The following THSD7A variants were observed in gnomAD, a reference collection of about 807,000 sequenced individuals.
THSD7A encodes the protein thrombospondin type 1 domain containing 7A.
Under a neutral mutation model 231.3 loss-of-function variants are expected in THSD7A, and 96 were observed. The observed-to-expected ratio is 0.41, with a 90% CI of 0.35 to 0.49. The LOEUF is 0.49. Among genes scored for constraint, THSD7A ranks in the 20% least tolerant of loss-of-function variants. The pLI is 0.05. For missense variants in THSD7A, 2,290 were observed against 2,070.2 expected (o/e 1.11, Z -2.06); for synonymous variants, 940 against 743.3 (o/e 1.26, Z -4.30).
chr7:11,729,371 C>G (rs1000806349), intron 1 of THSD7A, among the ~76,000 whole-genome samples: 5 of 151,688 alleles, frequency 3.3e-5, no homozygotes, highest in Non-Finnish European at 5.9e-5. Context: ...GAAGTAGATT[C>G]TGGAGTAAGG....
At chr7:11,535,266 G>A (rs937670209) in intron 6 of THSD7A, among the ~76,000 whole-genome samples, 1 of 152,008 alleles carries the variant, frequency 6.6e-6, no homozygotes, top group East Asian at 1.9e-4. Flanking sequence ...CAACTCTGAC[G>A]GTTTTTTCTA....
At chr7:11,778,156 CAAAAAAAAAA>C (rs57740181) in intron 1 of THSD7A, among the ~76,000 whole-genome samples, 15 of 45,080 alleles carry the variant, frequency 3.3e-4, no homozygotes, top group Non-Finnish European at 4.8e-4. Flanking sequence ...GACTCCGTCT[CAAAAAAAAAA>C]AAAAAAAAAA....
At chr7:11,803,796 A>G (rs1784337200) in intron 1 of THSD7A, among the ~76,000 whole-genome samples, 1 of 152,124 alleles carries the variant, frequency 6.6e-6, no homozygotes, top group Non-Finnish European at 1.5e-5. Context: ...TTCCAAGACA[A>G]TCTAATTGTT....
At chr7:11,721,374 T>C (rs964554928) in intron 1 of THSD7A, among the ~76,000 whole-genome samples, 10 of 151,830 alleles carry the variant, frequency 6.6e-5, no homozygotes, top group African/African-American at 9.7e-5. Flanking sequence ...GAAATCTAGC[T>C]GTTTAAAGGT....
intron 1 of THSD7A, among the ~76,000 whole-genome samples, chr7:11,816,923 C>T (rs548836408): frequency 1.3e-5 from 2 of 152,090 alleles, no homozygotes; most frequent in South Asian, 4.1e-4. Context: ...GATATGCAGA[C>T]ATGTATACAT....
chr7:11,416,791 A>C (rs1327191236), intron 17 of THSD7A, among the ~76,000 whole-genome samples: 3 of 152,174 alleles, frequency 2.0e-5, no homozygotes, highest in African/African-American at 7.2e-5. Flanking sequence ...TTCTGTTTCA[A>C]ATGACTCTCT....
chr7:11,769,153 A>ATATTTTTTTTT, intron 1 of THSD7A, among the ~76,000 whole-genome samples: 1 of 27,660 alleles, frequency 3.6e-5, no homozygotes, highest in Non-Finnish European at 7.0e-5. Flanking sequence ...ATATATATAT[A>ATATTTTTTTTT]TTTTTTTTTT....
In THSD7A at chr7:11,803,309, A is replaced by G. The variant is rs574499041; in HGVS notation, c.190+28448T>C. On this transcript the variant is annotated intron_variant, in intron 1 of 27. Coordinates refer to ENST00000423059, the MANE Select transcript of THSD7A (RefSeq NM_015204.3). ...TAGTGGAGAAAAGTGAGGCTTAGAA[A>G]AATTAACAATGTAAGCAAAGTCACA... 2.0e-5 allele frequency among the ~76,000 whole-genome samples: 3 copies of G among 152,318 alleles called. No individual in the cohort carries two copies. In the South Asian group the frequency reaches 6.2e-4, roughly 32 times the overall value.
chr7:11,402,090 A>G lies in THSD7A; in HGVS notation c.4238-122T>C, dbSNP rs917666833. On this transcript the variant is annotated intron_variant, in intron 22 of 27. Coordinates refer to ENST00000423059, the MANE Select transcript of THSD7A (RefSeq NM_015204.3). ...TATCCCAGGCACACATAATATTTAT[A>G]AGATTTAAATAAGCATTTAATATTT... 24 of 734,682 alleles carry G rather than the reference A, an allele frequency of 3.3e-5. No individual in the cohort carries two copies. The African/African-American group carries it at 4.3e-4, about 13-fold the overall frequency. 45.5% of individuals were successfully genotyped at this position (734,682 alleles called of 1,614,324 possible).
intron 6 of THSD7A, among the ~76,000 whole-genome samples, chr7:11,487,406 T>C (rs1024480710): frequency 2.6e-5 from 4 of 152,184 alleles, no homozygotes; most frequent in Non-Finnish European, 4.4e-5. Flanking sequence ...ACATAAAAGA[T>C]AAACCATGGT....
At chr7:11,723,220 G>C (rs527411861) in intron 1 of THSD7A, among the ~76,000 whole-genome samples, 2 of 150,466 alleles carry the variant, frequency 1.3e-5, no homozygotes, top group African/African-American at 2.4e-5. Context: ...GCAAACTATC[G>C]CAAGGACAAA....
intron 1 of THSD7A, among the ~76,000 whole-genome samples, chr7:11,667,498 A>C (rs144790049): frequency 3.2e-4 from 48 of 152,250 alleles, no homozygotes; most frequent in African/African-American, 1.1e-3. Context: ...TTAGCCTTGA[A>C]ATACTGGTGA....
intron 1 of THSD7A, among the ~76,000 whole-genome samples, chr7:11,670,404 A>G (rs1783336158): frequency 6.6e-6 from 1 of 152,220 alleles, no homozygotes; most frequent in Non-Finnish European, 1.5e-5. Context: ...TTGGCATCAC[A>G]CAATCTGGTT....
intron 1 of THSD7A, among the ~76,000 whole-genome samples, chr7:11,733,550 C>A (rs535188448): frequency 1.3e-5 from 2 of 151,730 alleles, no homozygotes; most frequent in Non-Finnish European, 2.9e-5. Flanking sequence ...TGGGATTGAT[C>A]TGGCTGATAT....
chr7:11,573,970 C>T lies in THSD7A; in HGVS notation c.1453+16490G>A, dbSNP rs141263198. ...TCATGGAGCTCCTACTATTCAGACA[C>T]GTGTACTCTGATGTTATAAAAACAT... On this transcript the variant is annotated intron_variant, in intron 4 of 27. Transcript: ENST00000423059. 3.7e-4 allele frequency among the ~76,000 whole-genome samples: 57 copies of T among 152,188 alleles called. 2 individuals are homozygous for T. Among genetic ancestry groups the T allele is most frequent in the African/African-American group, 1.3e-3 (53 of 41,514 alleles).
intron 6 of THSD7A, among the ~76,000 whole-genome samples, chr7:11,510,249 C>A (rs1787748298): frequency 6.6e-6 from 1 of 152,110 alleles, no homozygotes; most frequent in South Asian, 2.1e-4. Flanking sequence ...CTGAATAGAC[C>A]AACAACAGGC....
chr7:11,617,721 T>G (rs1367705805), intron 2 of THSD7A, among the ~76,000 whole-genome samples: 1 of 152,178 alleles, frequency 6.6e-6, no homozygotes, highest in Non-Finnish European at 1.5e-5. Context: ...TGTAGGGACA[T>G]GGATGAAGCT....
chr7:11,445,219 GATC>G (rs1175956446), intron 13 of THSD7A, among the ~76,000 whole-genome samples: 5 of 152,036 alleles, frequency 3.3e-5, no homozygotes, highest in African/African-American at 1.2e-4. Flanking sequence ...GTAAGTAAGA[GATC>G]ATCATCTGGT....
At chr7:11,795,622 T>C (rs1784102313) in intron 1 of THSD7A, among the ~76,000 whole-genome samples, 1 of 152,032 alleles carries the variant, frequency 6.6e-6, no homozygotes, top group Admixed American at 6.6e-5. Context: ...AATTCAAACA[T>C]ATATTCTATT....
Sources: allele counts gnomAD v4.1 joint callset (sites outside exome capture counted in the v4.1 genomes callset), GRCh38; gene constraint gnomAD v4.1.1; transcripts MANE v1.5; gene names NCBI Gene and HGNC (gene_info 2026-07-23, HGNC 2026-07-21).